Variants in ANO2 observed in about 807,000 individuals in gnomAD.
ANO2 encodes the protein anoctamin 2, also known as anoctamin-2.
ANO2 carries 101 observed loss-of-function variants against 124.2 expected under a neutral mutation model. The observed-to-expected ratio is 0.81, with a 90% CI of 0.69 to 0.96. The LOEUF (loss-of-function observed/expected upper bound fraction) is 0.96, where lower values mean the gene tolerates loss of function less well. Among genes scored for constraint, ANO2 ranks in the 40% least tolerant of loss-of-function variants. The pLI is 0.00. For synonymous variants in ANO2, 486 were observed against 482.5 expected, an observed-to-expected ratio of 1.01 and a Z score of -0.09; for missense variants, 1,293 against 1,274.5, an observed-to-expected ratio of 1.01 and a Z score of -0.22.
chr12:5,901,173 T>C (rs1940179506), intron 3 of ANO2, among the ~76,000 whole-genome samples: 1 of 152,116 alleles, frequency 6.6e-6, no homozygotes, highest in African/African-American at 2.4e-5. Flanking sequence ...AGATTCAACC[T>C]GGAAAAATGC....
chr12:5,732,873 C>T (rs760178168), intron 13 of ANO2: 9 of 1,613,822 alleles, frequency 5.6e-6, no homozygotes, highest in East Asian at 2.2e-5. Context: ...AACCTGGGCA[C>T]GTTCCTGGGG....
chr12:5,734,873 C>A (rs1439686936), intron 13 of ANO2, among the ~76,000 whole-genome samples: 1 of 152,186 alleles, frequency 6.6e-6, no homozygotes, highest in African/African-American at 2.4e-5. Flanking sequence ...TGGTCTTGAA[C>A]TCCTAACCTC....
chr12:5,623,859 T>C (rs1945253578), intron 16 of ANO2, among the ~76,000 whole-genome samples: 1 of 152,092 alleles, frequency 6.6e-6, no homozygotes, highest in African/African-American at 2.4e-5. Flanking sequence ...CCAACTGGGC[T>C]GCCCTTCATT....
At chr12:5,834,645 T>C (rs372861826) in intron 4 of ANO2, among the ~76,000 whole-genome samples, 15 of 152,380 alleles carry the variant, frequency 9.8e-5, no homozygotes, top group African/African-American at 2.9e-4. Context: ...ACAGTTTATT[T>C]AGTTCTTCTA....
At chr12:5,673,174 C>T (rs1020919605) in intron 14 of ANO2, among the ~76,000 whole-genome samples, 20 of 152,180 alleles carry the variant, frequency 1.3e-4, no homozygotes, top group African/African-American at 4.6e-4. Context: ...AAAAGGGGCA[C>T]ACTGAACCCC....
At chr12:5,778,725 G>A (rs1413400026) in intron 10 of ANO2, among the ~76,000 whole-genome samples, 5 of 152,182 alleles carry the variant, frequency 3.3e-5, no homozygotes, top group Non-Finnish European at 7.3e-5. Flanking sequence ...TGAACAATAT[G>A]GGGCAATGGA....
At chr12:5,833,468 A>G (rs1302995033) in intron 4 of ANO2, among the ~76,000 whole-genome samples, 1 of 152,140 alleles carries the variant, frequency 6.6e-6, no homozygotes, top group Non-Finnish European at 1.5e-5. Context: ...TTGAATCTGC[A>G]TTGGATCTGT....
Position 5,860,818 on chromosome 12 carries a change from C to T in ANO2, c.535-6677G>A, listed in dbSNP as rs532420684. On this transcript the variant is annotated intron_variant, in intron 3 of 24. Coordinates refer to ENST00000682330, the MANE Select transcript of ANO2 (RefSeq NM_001364791.2). The stretch of plus-strand genomic sequence containing the variant: ...GAGGCCAAAGGAATTGACACAGCCT[C>T]ACTCGTGCTCACAAAACACAACCTG... 2.2e-4 allele frequency among the ~76,000 whole-genome samples: 34 copies of T among 152,314 alleles called. 1 individual carries two copies. In the South Asian group the frequency reaches 6.8e-3, roughly 31 times the overall value.
rs564503510 is a variant in ANO2 at position 5,757,823 on chromosome 12, C to T, written c.1056-6853G>A. 4.6e-5 allele frequency among the ~76,000 whole-genome samples: 7 copies of T among 152,058 alleles called. No individual in the cohort carries two copies. The East Asian group carries it at 5.8e-4, about 13-fold the overall frequency. On this transcript the variant is annotated intron_variant, in intron 10 of 24. Transcript: ENST00000682330. ...ACATTTGACAGAGAATGGGAGGATG[C>T]GATAGTCCCTGTAAAAGTAAGAAGA... is the stretch of plus-strand genomic sequence containing the variant.
At chr12:5,568,201 G>A (rs1482288013) in intron 23 of ANO2, among the ~76,000 whole-genome samples, 2 of 142,690 alleles carry the variant, frequency 1.4e-5, no homozygotes, top group East Asian at 2.1e-4. Context: ...GTGCAGGAAC[G>A]TGATCTCGGC....
At chr12:5,656,733 G>A (rs1372754682) in intron 14 of ANO2, among the ~76,000 whole-genome samples, 2 of 152,194 alleles carry the variant, frequency 1.3e-5, no homozygotes, top group Non-Finnish European at 2.9e-5. Flanking sequence ...TCTCCTATCA[G>A]GTGCTATCAG....
chr12:5,874,670 A>T (rs1464899994), intron 3 of ANO2, among the ~76,000 whole-genome samples: 3 of 152,104 alleles, frequency 2.0e-5, no homozygotes, highest in Non-Finnish European at 4.4e-5. Context: ...CCCAATCAGA[A>T]ACCTCACACA....
Position 5,612,653 on chromosome 12 carries a change from T to C in ANO2, c.2087+3A>G, listed in dbSNP as rs375231644. On this transcript the variant is annotated splice_donor_region_variant and intron_variant, in intron 19 of 24. Coordinates refer to ENST00000682330, the MANE Select transcript of ANO2 (RefSeq NM_001364791.2). Reference sequence around the variant, plus strand: ...AGAGAGGTTAGAGGAGTTCATTACATACGGGACTCCAATCTCAAAGATGTT... The same window carrying C: ...AGAGAGGTTAGAGGAGTTCATTACACACGGGACTCCAATCTCAAAGATGTT... 1.6e-5 allele frequency: 26 copies of C among 1,613,518 alleles called. No individual in the cohort carries two copies. The highest frequency in any genetic ancestry group is 3.3e-4 in the Middle Eastern group (2 of 6,084).
intron 3 of ANO2, among the ~76,000 whole-genome samples, chr12:5,905,266 C>T (rs1480220090): frequency 1.3e-5 from 2 of 152,202 alleles, no homozygotes; most frequent in African/African-American, 4.8e-5. Context: ...GGAATGTCAG[C>T]TCCCCCATCA....
rs558954291 is a variant in ANO2, at chr12:5,827,864, C to G, written c.841-44G>C. ...AGAGCTGTGAGCTCCTAGTTCCCCC[C>G]CGCCCTCCACCGTGTGTCACCCTCA... On this transcript the variant is annotated intron_variant, in intron 6 of 24. Transcript: ENST00000682330. The G allele has an allele frequency of 1.5e-4, 237 of 1,579,502 alleles. 2 individuals are homozygous for G. In the South Asian group the frequency reaches 2.4e-3, roughly 16 times the overall value.
At chr12:5,931,100 C>A (rs996678941) in intron 1 of ANO2, among the ~76,000 whole-genome samples, 48 of 152,174 alleles carry the variant, frequency 3.2e-4, no homozygotes, top group African/African-American at 1.2e-3. Flanking sequence ...CATTTTGAAA[C>A]AATCTCACCA....
chr12:5,824,990 C>A (rs994692611), intron 7 of ANO2, among the ~76,000 whole-genome samples: 1 of 152,132 alleles, frequency 6.6e-6, no homozygotes, highest in Non-Finnish European at 1.5e-5. Flanking sequence ...ATTACCTCCC[C>A]CTGGGTACCT....
At chr12:5,606,325 A>G (rs1218503121) in intron 19 of ANO2, among the ~76,000 whole-genome samples, 1 of 152,186 alleles carries the variant, frequency 6.6e-6, no homozygotes, top group African/African-American at 2.4e-5. Context: ...GCTCTTGTTC[A>G]GTCTCTCTCA....
At chr12:5,855,836 G>A in intron 3 of ANO2, among the ~76,000 whole-genome samples, 1 of 152,200 alleles carries the variant, frequency 6.6e-6, no homozygotes, top group East Asian at 1.9e-4. Flanking sequence ...GGATAATTAA[G>A]AAACACACCC....
Sources: gnomAD v4.1 joint callset for allele counts (sites outside exome capture counted in the v4.1 genomes callset) on GRCh38, gnomAD v4.1.1 for gene constraint, MANE v1.5 for transcripts, NCBI Gene and HGNC (gene_info 2026-07-23, HGNC 2026-07-21) for gene names.